The following EPN2 variants were observed in gnomAD, a reference collection of about 807,000 sequenced individuals.
EPN2 encodes the protein epsin-2.
EPN2 carries 34 observed loss-of-function variants against 61.7 expected under a neutral mutation model. That is an observed-to-expected ratio of 0.55 (90% confidence interval 0.42 to 0.73). The LOEUF is 0.73. Ranked by LOEUF, EPN2 falls within the 30% of genes least tolerant of loss-of-function variation. The probability of loss-of-function intolerance (pLI) is 0.00; values close to 1 mark genes in which losing one functional copy is unlikely to be tolerated. For missense variants in EPN2, 714 were observed against 839.2 expected, an observed-to-expected ratio of 0.85 and a Z score of 1.84; for synonymous variants, 349 against 353.6, an observed-to-expected ratio of 0.99 and a Z score of 0.15.
chr17:19,262,839 G>T (rs1197638712), intron 1 of EPN2, among the ~76,000 whole-genome samples: 1 of 152,254 alleles, frequency 6.6e-6, no homozygotes, highest in East Asian at 1.9e-4. Flanking sequence ...GAGTCATACA[G>T]TGTGTGGGCT....
chr17:19,328,349 AG>A (rs1266601509), intron 7 of EPN2, among the ~76,000 whole-genome samples: 2 of 151,890 alleles, frequency 1.3e-5, no homozygotes, highest in African/African-American at 4.8e-5. Flanking sequence ...TTCTGTGGGG[AG>A]ATAGGTTTGT....
At chr17:19,293,534 C>CTTTT (rs71155390) in intron 4 of EPN2, among the ~76,000 whole-genome samples, 9 of 52,428 alleles carry the variant, frequency 1.7e-4, no homozygotes, top group Middle Eastern at 0.01. Flanking sequence ...CCATACCCAG[C>CTTTT]TTTTTTTTTT....
rs999833160 is a variant in EPN2, at chr17:19,307,806, G to A, written c.767-2079G>A. 8 of 662,922 alleles carry A rather than the reference G, an allele frequency of 1.2e-5. No individual in the cohort carries two copies. In the South Asian group the frequency reaches 3.4e-4, roughly 28 times the overall value. The allele number at this position is 662,922 out of a possible 1,614,324, so 41.1% of individuals were successfully genotyped here. ...GAAGCAGCCTCTTTCTACCTCCCCT[G>A]GTTCTTCTGTGGATCCCGTCTGTGG... On this transcript the variant is annotated intron_variant, in intron 4 of 10. Transcript: ENST00000314728.
At chr17:19,262,523 A>G (rs1322546676) in intron 1 of EPN2, among the ~76,000 whole-genome samples, 4 of 152,244 alleles carry the variant, frequency 2.6e-5, no homozygotes, top group African/African-American at 7.2e-5. Context: ...TTATTGATGC[A>G]TAATTTATTT....
At chr17:19,254,774 C>T (rs1359993213) in intron 1 of EPN2, among the ~76,000 whole-genome samples, 1 of 152,118 alleles carries the variant, frequency 6.6e-6, no homozygotes, top group Non-Finnish European at 1.5e-5. Flanking sequence ...GACTTTTCCC[C>T]ACTCCTGAGT....
chr17:19,288,974 G>T lies in EPN2; in HGVS notation c.766+3184G>T, dbSNP rs570789717. 4.2e-4 allele frequency among the ~76,000 whole-genome samples: 64 copies of T among 152,034 alleles called. 1 individual carries two copies. The Middle Eastern group carries it at 0.017, about 41-fold the overall frequency. On this transcript the variant is annotated intron_variant, in intron 4 of 10. Transcript: ENST00000314728. ...TGTATGGGCAAGGTGGGAGCAGGGA[G>T]CCAGGTCAGGAGGCCACTGTCCCCA... is the stretch of plus-strand genomic sequence containing the variant.
At position 19,322,097 on chromosome 17, in the gene EPN2, G is replaced by A. The variant is rs1170649003; in HGVS notation, c.1148-6614G>A. ...GGCAAGGGCAGCTTCAGTCCTGGGGGAGGACGATCTGCATGAGACACTGGA... is the reference window on the plus strand; with the variant it reads ...GGCAAGGGCAGCTTCAGTCCTGGGGAAGGACGATCTGCATGAGACACTGGA... On this transcript the variant is annotated intron_variant, in intron 7 of 10. Transcript: ENST00000314728. 2.6e-5 allele frequency among the ~76,000 whole-genome samples: 4 copies of A among 152,274 alleles called. No homozygotes were observed. In the East Asian group the frequency reaches 7.7e-4, roughly 29 times the overall value.
chr17:19,329,867 C>T (rs1907077920), intron 9 of EPN2, among the ~76,000 whole-genome samples: 1 of 152,180 alleles, frequency 6.6e-6, no homozygotes, highest in South Asian at 2.1e-4. Flanking sequence ...TTAGGATCCC[C>T]AAAGCTTCCT....
chr17:19,308,125 G>T (rs1392350409), intron 4 of EPN2: 1 of 755,604 alleles, frequency 1.3e-6, no homozygotes, highest in Non-Finnish European at 1.6e-6. Flanking sequence ...CCAGGCTGGA[G>T]TGCAGTAGCT....
At position 19,300,737 on chromosome 17, in the gene EPN2, A is replaced by G. The variant is rs191820666; in HGVS notation, c.767-9148A>G. On this transcript the variant is annotated intron_variant, in intron 4 of 10. Coordinates refer to ENST00000314728, the MANE Select transcript of EPN2 (RefSeq NM_014964.5). Reference sequence around the variant, plus strand: ...GCCACCGGCACCCGGCAAACTGTCAATCTTGGAGGCCTTCCTGGAACTGGG... The same window carrying G: ...GCCACCGGCACCCGGCAAACTGTCAGTCTTGGAGGCCTTCCTGGAACTGGG... 4.6e-5 allele frequency among the ~76,000 whole-genome samples: 7 copies of G among 152,284 alleles called. No homozygotes were observed. The East Asian group carries it at 5.8e-4, about 13-fold the overall frequency.
chr17:19,277,980 G>A (rs1339930089), intron 1 of EPN2, among the ~76,000 whole-genome samples: 1 of 151,718 alleles, frequency 6.6e-6, no homozygotes, highest in Admixed American at 6.6e-5. Context: ...GGCTGAGGCA[G>A]GAAGAATGGT....
chr17:19,280,515 C>G (rs2045349565), intron 1 of EPN2, among the ~76,000 whole-genome samples: 1 of 152,204 alleles, frequency 6.6e-6, no homozygotes, highest in African/African-American at 2.4e-5. Flanking sequence ...AGCTGAAGCC[C>G]TGTTCTGTGG....
rs1412278611 is a variant in EPN2, at chr17:19,334,551, C to G, written c.*297C>G. On this transcript the variant is annotated 3_prime_UTR_variant, in exon 11 of 11. Transcript: ENST00000314728. This position sits in a 1 kb window ranked among gnomAD's most constrained non-coding sequence, Gnocchi z 4.9. ...CATCAGTGTTGCCCTTGCCCCTAAC[C>G]TCAGCCCGAGGGTCTCCAGGATGTT... 1.5e-5 allele frequency: 4 copies of G among 261,718 alleles called. No homozygotes were observed. Among genetic ancestry groups the G allele is most frequent in the Non-Finnish European group, 2.9e-5 (4 of 138,970 alleles). The allele number at this position is 261,718 out of a possible 1,614,324, so 16.2% of individuals were successfully genotyped here. A position where few individuals can be genotyped will look rare whatever the true frequency, so the allele number is the denominator to read the frequency against.
intron 7 of EPN2, 130 bp downstream of exon 7, chr17:19,313,409 C>T: frequency 1.3e-6 from 1 of 764,322 alleles, no homozygotes; most frequent in Non-Finnish European, 2.0e-6. Flanking sequence ...CTCCAGCCCT[C>T]AGCAGTGATA....
At chr17:19,328,341 CTG>C (rs1386403186) in intron 7 of EPN2, among the ~76,000 whole-genome samples, 1 of 152,118 alleles carries the variant, frequency 6.6e-6, no homozygotes, top group East Asian at 1.9e-4. Context: ...AGCCTGGATT[CTG>C]TGGGGAGATA....
intron 1 of EPN2, among the ~76,000 whole-genome samples, chr17:19,243,644 C>T (rs550220923): frequency 8.5e-5 from 13 of 152,174 alleles, no homozygotes; most frequent in Middle Eastern, 3.4e-3. Flanking sequence ...CCGCCTGCCT[C>T]GGCCTCCCAA....
Position 19,329,552 on chromosome 17 carries a change from TC to T in EPN2, c.1325-7del. The T allele has an allele frequency of 6.3e-7, 1 of 1,594,448 alleles. No homozygotes were observed. Among genetic ancestry groups the T allele is most frequent in the Non-Finnish European group, 8.6e-7 (1 of 1,162,938 alleles). ...ATGCCCCCAGTCATTGGCTTCTGTG[TC>T]CACCCAGGGTCCTTTGAGCTCTTCA... On this transcript the variant is annotated splice_polypyrimidine_tract_variant and splice_region_variant and intron_variant, in intron 8 of 10. Transcript: ENST00000314728.
At chr17:19,281,214 C>T (rs1308984764) in intron 1 of EPN2, among the ~76,000 whole-genome samples, 1 of 152,176 alleles carries the variant, frequency 6.6e-6, no homozygotes, top group African/African-American at 2.4e-5. Context: ...ACCTAATCTT[C>T]AGTCCATCTC....
At chr17:19,329,024 GATC>G in intron 8 of EPN2, 137 bp downstream of exon 8, 1 of 723,936 alleles carries the variant, frequency 1.4e-6, no homozygotes, top group South Asian at 2.1e-5. Flanking sequence ...CTTTGTTCCT[GATC>G]CCCAGATCCC....
Sources: gnomAD v4.1 joint callset for allele counts (sites outside exome capture counted in the v4.1 genomes callset) on GRCh38, gnomAD v4.1.1 for gene constraint, Gnocchi (gnomAD v3.1) non-coding constraint, MANE v1.5 for transcripts, NCBI Gene and HGNC (gene_info 2026-07-23, HGNC 2026-07-21) for gene names.